The following KIF14 variants were observed in gnomAD, a reference collection of about 807,000 sequenced individuals.
KIF14 encodes kinesin-like protein KIF14.
Under a neutral mutation model 176.2 loss-of-function variants are expected in KIF14, and 98 were observed. The observed-to-expected ratio is 0.56, with a 90% CI of 0.47 to 0.66. The LOEUF (loss-of-function observed/expected upper bound fraction) is 0.66. KIF14 is among the 30% of genes least tolerant of loss of function. KIF14 has a pLI of 0.00. For synonymous variants in KIF14, 566 were observed against 632.2 expected, an observed-to-expected ratio of 0.90 and a Z score of 1.57; for missense variants, 1,751 against 1,920.4, an observed-to-expected ratio of 0.91 and a Z score of 1.65.
chr1:200,554,872 T>C (rs917346361), intron 28 of KIF14, among the ~76,000 whole-genome samples: 13 of 152,210 alleles, frequency 8.5e-5, no homozygotes, highest in African/African-American at 2.2e-4. Context: ...CCATTTATTA[T>C]TCAATACTTT....
rs16846947 is a variant in KIF14, at chr1:200,590,352, G to C, written c.2814-80C>G. 4.8e-3 allele frequency: 5,735 copies of C among 1,202,314 alleles called. 171 individuals carry two copies. The African/African-American group carries it at 0.071, about 15-fold the overall frequency. The allele number at this position is 1,202,314 out of a possible 1,614,324, so 74.5% of individuals were successfully genotyped here. On this transcript the variant is annotated intron_variant, in intron 16 of 29. Transcript: ENST00000367350. Reference sequence around the variant, plus strand: ...TAATAGTTCTTAATCCTACTGAAAAGTTTTCCATTGAATGAAAGTTTCAAT... The same window carrying C: ...TAATAGTTCTTAATCCTACTGAAAACTTTTCCATTGAATGAAAGTTTCAAT...
chr1:200,605,931 C>T (rs768228025), intron 6 of KIF14, 37 bp from the exon 7 acceptor site: 63 of 1,249,056 alleles, frequency 5.0e-5, no homozygotes, highest in Non-Finnish European at 7.1e-5. Flanking sequence ...ATCAATTTTA[C>T]TGATGATTAT....
chr1:200,560,930 G>A (rs1408661402), intron 25 of KIF14, 50 bp from the exon 26 acceptor site: 1 of 1,549,124 alleles, frequency 6.5e-7, no homozygotes, highest in Admixed American at 1.7e-5. Flanking sequence ...ATTATAACAG[G>A]TGGTAAAGAA....
chr1:200,573,594 G>C (rs986178928), intron 22 of KIF14, among the ~76,000 whole-genome samples: 1 of 151,800 alleles, frequency 6.6e-6, no homozygotes, highest in African/African-American at 2.4e-5. Context: ...CCGCCACCGC[G>C]CCCGGCAAGG....
chr1:200,579,879 T>C (rs2102648789), intron 21 of KIF14, among the ~76,000 whole-genome samples: 1 of 152,040 alleles, frequency 6.6e-6, no homozygotes, highest in East Asian at 1.9e-4. Context: ...AAAAGGTACA[T>C]TAGGCATAGG....
chr1:200,575,967 TAAAC>T (rs1658079068), intron 21 of KIF14, among the ~76,000 whole-genome samples: 2 of 152,010 alleles, frequency 1.3e-5, no homozygotes, highest in Admixed American at 1.3e-4. Context: ...AGTAAAAACA[TAAAC>T]AATAAAATCC....
chr1:200,573,581 C>T (rs113826656), intron 22 of KIF14, among the ~76,000 whole-genome samples: 19,032 of 151,952 alleles, frequency 0.13, 1,594 homozygotes, highest in East Asian at 0.39. Context: ...GGACTACAGG[C>T]GCCCGCCACC....
chr1:200,560,710 T>C lies in KIF14; in HGVS notation c.4230+12A>G, dbSNP rs1657092846. On this transcript the variant is annotated intron_variant, in intron 26 of 29. Transcript: ENST00000367350. ...CAGATGAAGTCTGTCTGAACTAACA[T>C]TGCTAAATTACCTGGACACTGGCAG... is the stretch of plus-strand genomic sequence containing the variant. The C allele has an allele frequency of 1.2e-6, 2 of 1,614,072 alleles. No individual in the cohort carries two copies.
In KIF14 at chr1:200,561,525, C is replaced by T. The variant is rs146374266; in HGVS notation, c.4072-645G>A. Among the ~76,000 whole-genome samples, 16 of 146,514 alleles carry T rather than the reference C, an allele frequency of 1.1e-4. No individual in the cohort carries two copies. In the East Asian group the frequency reaches 2.8e-3, roughly 26 times the overall value. ...CTGCACTCCAGCCTGGGTGACAGAG[C>T]GAGAGACTCTGTCTCACTGATTTTC... On this transcript the variant is annotated intron_variant, in intron 25 of 29. Transcript: ENST00000367350.
chr1:200,559,195 T>A, intron 27 of KIF14, 135 bp downstream of exon 27: 1 of 469,724 alleles, frequency 2.1e-6, no homozygotes, highest in Non-Finnish European at 3.5e-6. Context: ...AAGATCATGA[T>A]GTCAGCCTCT....
Position 200,592,102 on chromosome 1 carries a change from A to C in KIF14, c.2791T>G (p.Leu931Val). The C allele has an allele frequency of 6.2e-7, 1 of 1,613,372 alleles. No individual in the cohort carries two copies. The highest frequency in any genetic ancestry group is 8.5e-7 in the Non-Finnish European group (1 of 1,179,710). ...PKDFEFAKNELLMAQRSQLEA... is the reference protein window; with the variant it reads ...PKDFEFAKNEVLMAQRSQLEA... ...TACTGTGATCTCTGTGCCATGAGCA[A>C]CTCATTTTTTGCAAATTCAAAGTCT... The change falls in exon 16 of 30, where the codon TTG becomes GTG. Residue 931 changes from leucine (L) to valine (V), a missense_variant. Physicochemically the swap from Leu to Val is conservative, Grantham distance 32. Coordinates refer to ENST00000367350, the MANE Select transcript of KIF14 (RefSeq NM_014875.3).
intron 10 of KIF14, among the ~76,000 whole-genome samples, chr1:200,602,554 T>C (rs1659677704): frequency 6.6e-6 from 1 of 152,182 alleles, no homozygotes; most frequent in African/African-American, 2.4e-5. Flanking sequence ...TTAACTTTCA[T>C]AAGACATGAA....
chr1:200,566,992 C>T (rs945359718), intron 23 of KIF14, among the ~76,000 whole-genome samples: 31 of 151,286 alleles, frequency 2.0e-4, no homozygotes, highest in African/African-American at 4.6e-4. Context: ...CTGGCCAACA[C>T]GGTGAAACCC....
At chr1:200,559,017 G>A (rs1468672818) in intron 27 of KIF14, among the ~76,000 whole-genome samples, 1 of 152,102 alleles carries the variant, frequency 6.6e-6, no homozygotes, top group Non-Finnish European at 1.5e-5. Flanking sequence ...ACAAAGCTAA[G>A]GAAGAAAATG....
At position 200,590,125 on chromosome 1, in the gene KIF14, C is replaced by A. The variant is rs1414932141; in HGVS notation, c.2961G>T (p.Leu987=). ...AAATAAAACTAATTCTGCCTTTTAC[C>A]AGTTCTGCTTCCAGTGCTTTTATTT... ...ESKIKALEAE[L]REESQRKKMQ... The change falls in exon 17 of 30, where the codon CTG becomes CTT. Residue 987 remains leucine, a splice_region_variant and synonymous_variant. Transcript: ENST00000367350. The A allele has an allele frequency of 6.3e-7, 1 of 1,598,630 alleles. No homozygotes were observed. Among genetic ancestry groups the A allele is most frequent in the Non-Finnish European group, 8.5e-7 (1 of 1,176,358 alleles).
intron 5 of KIF14, among the ~76,000 whole-genome samples, chr1:200,608,423 G>T (rs2102754876): frequency 6.7e-6 from 1 of 149,714 alleles, no homozygotes; most frequent in East Asian, 2.0e-4. Context: ...GGAGTACAGT[G>T]GCTTGATCTC....
At position 200,589,281 on chromosome 1, in the gene KIF14, T is replaced by C; in HGVS notation, c.3050A>G (p.His1017Arg). The C allele has an allele frequency of 1.2e-6, 2 of 1,612,178 alleles. No homozygotes were observed. The highest frequency in any genetic ancestry group is 1.1e-5 in the South Asian group (1 of 90,926). ...KIEELEKAKQ[H>R]LEQEIYVNKK... ...GTTGACATATATTTCCTGTTCAAGA[T>C]GCTGCTTTGCCTTTTCTAATTCCTC... The change falls in exon 18 of 30, where the codon CAT becomes CGT. Residue 1017 changes from histidine to arginine, a missense_variant. Transcript: ENST00000367350.
chr1:200,606,764 T>C lies in KIF14; in HGVS notation c.1589A>G (p.Tyr530Cys), dbSNP rs1161398126. 1 of 1,613,608 alleles carries C rather than the reference T, an allele frequency of 6.2e-7. No homozygotes were observed. The highest frequency in any genetic ancestry group is 1.3e-5 in the African/African-American group (1 of 75,030). The change falls in exon 6 of 30, where the codon TAT (tyrosine) becomes TGT (cysteine). Residue 530 changes from tyrosine to cysteine, a missense_variant. Coordinates refer to ENST00000367350, the MANE Select transcript of KIF14 (RefSeq NM_014875.3). Reference sequence around the variant, plus strand: ...TACTTACATTGACAGTGCTTCAACATATGGTCCATAAACAGGATGTTCCCT... The same window carrying C: ...TACTTACATTGACAGTGCTTCAACACATGGTCCATAAACAGGATGTTCCCT... Reference protein sequence around the residue: ...RVREHPVYGPYVEALSMNIVS... With the variant: ...RVREHPVYGPCVEALSMNIVS...
Position 200,618,201 on chromosome 1 carries a change from C to G in KIF14, c.523G>C (p.Val175Leu). ...RIVNNAKNSF[V>L]ASSVPLDEDP... ...TCATCTAAAGGTACAGAAGAGGCAA[C>G]AAAAGAGTTTTTAGCATTATTTACA... The change falls in exon 2 of 30, where the codon GTT becomes CTT. Residue 175 changes from valine to leucine, a missense_variant. Coordinates refer to ENST00000367350, the MANE Select transcript of KIF14 (RefSeq NM_014875.3). 1 of 1,613,978 alleles carries G rather than the reference C, an allele frequency of 6.2e-7. No homozygotes were observed. The highest frequency in any genetic ancestry group is 1.3e-5 in the African/African-American group (1 of 75,058).
Sources: allele counts gnomAD v4.1 joint callset (sites outside exome capture counted in the v4.1 genomes callset), GRCh38; gene constraint gnomAD v4.1.1; transcripts MANE v1.5; gene names NCBI Gene and HGNC (gene_info 2026-07-23, HGNC 2026-07-21).